MAD1L1: variants seen among roughly 807,000 people sequenced by gnomAD.
MAD1L1 encodes mitotic spindle assembly checkpoint protein MAD1.
MAD1L1 carries 95 observed loss-of-function variants against 96.9 expected under a neutral mutation model. The observed-to-expected ratio is 0.98, with a 90% CI of 0.83 to 1.16. The LOEUF (loss-of-function observed/expected upper bound fraction) is 1.16, where lower values mean the gene tolerates loss of function less well. Ranked by LOEUF, MAD1L1 falls within the 50% of genes most tolerant of loss-of-function variation. The pLI is 0.00. For synonymous variants in MAD1L1, 473 were observed against 396.6 expected (o/e 1.19, Z -2.29); for missense variants, 1,007 against 954.4 (o/e 1.06, Z -0.73).
intron 17 of MAD1L1, among the ~76,000 whole-genome samples, chr7:1,925,253 T>G (rs1199959426): frequency 1.3e-5 from 2 of 152,186 alleles, no homozygotes; most frequent in East Asian, 3.8e-4. Context: ...TCGTAGAAAG[T>G]GCGTTCCCTC....
intron 18 of MAD1L1, among the ~76,000 whole-genome samples, chr7:1,881,167 A>C (rs58785408): frequency 0.014 from 2,164 of 152,322 alleles, 54 homozygotes; most frequent in African/African-American, 0.049. Context: ...GAGATGAGCC[A>C]AGTCTCATTC....
At chr7:2,158,436 T>C (rs997235961) in intron 10 of MAD1L1, among the ~76,000 whole-genome samples, 3 of 152,174 alleles carry the variant, frequency 2.0e-5, no homozygotes, top group African/African-American at 4.8e-5. Context: ...TTTCAAAGAA[T>C]AGAAATCCAC....
intron 17 of MAD1L1, among the ~76,000 whole-genome samples, chr7:1,914,903 G>A (rs1023842278): frequency 7.2e-5 from 11 of 152,252 alleles, no homozygotes; most frequent in African/African-American, 2.4e-4. Flanking sequence ...CATGAGTGCC[G>A]CGCCGGCCCT....
Position 1,936,765 on chromosome 7 carries a change from C to A in MAD1L1, c.1729G>T (p.Ala577Ser). 1 of 1,571,648 alleles carries A rather than the reference C, an allele frequency of 6.4e-7. No individual in the cohort carries two copies. Among genetic ancestry groups the A allele is most frequent in the Non-Finnish European group, 8.6e-7 (1 of 1,159,786 alleles). ...GGGACGGTGCCTCCTCTCTCCATGGCGCGCAGGAGCCCGCGCAGTCGCTCG... is the reference window on the plus strand; with the variant it reads ...GGGACGGTGCCTCCTCTCTCCATGGAGCGCAGGAGCCCGCGCAGTCGCTCG... ...ECERLRGLLR[A>S]MERGGTVPAD... The change falls in exon 17 of 19, where the codon GCC becomes TCC. Residue 577 changes from alanine (A) to serine (S), a missense_variant. Transcript: ENST00000265854.
intron 18 of MAD1L1, among the ~76,000 whole-genome samples, chr7:1,892,543 G>A (rs926133802): frequency 1.3e-5 from 2 of 152,134 alleles, no homozygotes; most frequent in African/African-American, 4.8e-5. Flanking sequence ...ATCTGGTATC[G>A]GAAACGCTCC....
chr7:1,948,340 G>A (rs929186606), intron 16 of MAD1L1, among the ~76,000 whole-genome samples: 13 of 145,242 alleles, frequency 9.0e-5, no homozygotes, highest in Middle Eastern at 3.6e-3. Flanking sequence ...CCCAGTGACC[G>A]TGTGCTGTAT....
chr7:2,225,630 C>T, intron 3 of MAD1L1, 80 bp from the exon 4 acceptor site: 2 of 1,484,614 alleles, frequency 1.3e-6, no homozygotes, highest in South Asian at 1.2e-5. Flanking sequence ...GCAGCAGACA[C>T]ACTCCCTGAG....
chr7:1,884,569 C>A (rs990264550), intron 18 of MAD1L1, among the ~76,000 whole-genome samples: 1 of 152,252 alleles, frequency 6.6e-6, no homozygotes, highest in Non-Finnish European at 1.5e-5. Context: ...CCTCTCAGCC[C>A]AATCACTGCC....
At chr7:1,857,140 C>T (rs570533695) in intron 18 of MAD1L1, among the ~76,000 whole-genome samples, 1 of 152,328 alleles carries the variant, frequency 6.6e-6, no homozygotes, top group Admixed American at 6.5e-5. Context: ...GGACTCCTCA[C>T]CAACAGCAGC....
At chr7:2,209,915 C>T (rs1169994863) in intron 10 of MAD1L1, 1 of 152,302 alleles carries the variant, frequency 6.6e-6, no homozygotes, top group Non-Finnish European at 1.5e-5. Flanking sequence ...CTCAGCCCTC[C>T]CATGGGGGCC....
chr7:1,862,689 G>A (rs1258738378), intron 18 of MAD1L1, among the ~76,000 whole-genome samples: 1 of 152,214 alleles, frequency 6.6e-6, no homozygotes, highest in African/African-American at 2.4e-5. Context: ...TATTTACTTA[G>A]TATTTTCTTT....
At chr7:2,220,724 A>G (rs950153678) in intron 5 of MAD1L1, among the ~76,000 whole-genome samples, 7 of 152,242 alleles carry the variant, frequency 4.6e-5, no homozygotes, top group African/African-American at 7.2e-5. Flanking sequence ...GAAGGCCCGC[A>G]TGGGGGCTGC....
At chr7:2,215,376 CAAA>C (rs34020959) in intron 9 of MAD1L1, among the ~76,000 whole-genome samples, 7 of 83,296 alleles carry the variant, frequency 8.4e-5, no homozygotes, top group African/African-American at 9.3e-5. Flanking sequence ...GACTCCATCT[CAAA>C]AAAAAAAAAA....
At chr7:2,226,627 C>T (rs1410219583) in intron 3 of MAD1L1, among the ~76,000 whole-genome samples, 1 of 152,222 alleles carries the variant, frequency 6.6e-6, no homozygotes, top group East Asian at 1.9e-4. Flanking sequence ...CAGAGCCTTG[C>T]AGTGCAGCAT....
Position 1,983,148 on chromosome 7 carries a change from G to GCA in MAD1L1, c.1417-2608_1417-2607insTG, listed in dbSNP as rs1451981568. Among the ~76,000 whole-genome samples, 45 of 41,590 alleles carry GCA rather than the reference G, an allele frequency of 1.1e-3. 1 individual carries two copies. In the South Asian group the frequency reaches 0.027, roughly 25 times the overall value. The allele number at this position is 41,590 out of a possible 152,430, so 27.3% of individuals were successfully genotyped here. A position where few individuals can be genotyped will look rare whatever the true frequency, so the allele number is the denominator to read the frequency against. On this transcript the variant is annotated intron_variant, in intron 14 of 18. Transcript: ENST00000265854. ...CACCCACAGACGCGCGCGCGCGCGC[G>GCA]CGCGCGCACACACACACACACACAC...
chr7:1,821,020 G>C (rs1433052111), intron 18 of MAD1L1, among the ~76,000 whole-genome samples: 1 of 141,664 alleles, frequency 7.1e-6, no homozygotes, highest in African/African-American at 2.6e-5. Flanking sequence ...GGCGGAGCTT[G>C]CAGTGAGCCG....
At chr7:2,220,755 A>C in intron 5 of MAD1L1, 1 of 1,042,128 alleles carries the variant, frequency 9.6e-7, no homozygotes, top group Non-Finnish European at 1.3e-6. Flanking sequence ...CATGCCCACA[A>C]TATGTACGGT....
At chr7:2,226,256 A>G (rs1285431877) in intron 3 of MAD1L1, among the ~76,000 whole-genome samples, 2 of 152,240 alleles carry the variant, frequency 1.3e-5, no homozygotes, top group Admixed American at 6.5e-5. Context: ...CACAGCAATG[A>G]AACCTACTCA....
intron 10 of MAD1L1, among the ~76,000 whole-genome samples, chr7:2,196,252 A>T (rs908646948): frequency 4.6e-5 from 7 of 152,250 alleles, no homozygotes; most frequent in Non-Finnish European, 7.3e-5. Flanking sequence ...TCCAGAGCCA[A>T]CCACCACCGT....
Sources: gnomAD v4.1 joint callset for allele counts (sites outside exome capture counted in the v4.1 genomes callset) on GRCh38, gnomAD v4.1.1 for gene constraint, MANE v1.5 for transcripts, NCBI Gene and HGNC (gene_info 2026-07-23, HGNC 2026-07-21) for gene names.